The following DAB1 variants were observed in gnomAD, a reference collection of about 807,000 sequenced individuals.
DAB1 encodes the protein disabled homolog 1.
In DAB1, 15 loss-of-function variants were observed where a neutral mutation model predicts 64.6. The observed-to-expected ratio is 0.23, with a 90% CI of 0.16 to 0.36. DAB1 has a LOEUF of 0.36. DAB1 is among the 10% of genes least tolerant of loss of function. The probability of loss-of-function intolerance (pLI) is 1.00; values close to 1 mark genes in which losing one functional copy is unlikely to be tolerated. For synonymous variants in DAB1, 235 were observed against 251.9 expected (o/e 0.93, Z 0.64); for missense variants, 596 against 706.7 (o/e 0.84, Z 1.78).
intron 4 of DAB1, among the ~76,000 whole-genome samples, chr1:58,190,864 C>T (rs1657352476): frequency 6.6e-6 from 1 of 152,208 alleles, no homozygotes; most frequent in Admixed American, 6.5e-5. Context: ...AGGCGGAGAA[C>T]CGTGTTCTAG....
At chr1:57,592,649 C>T (rs983760800) in intron 7 of DAB1, among the ~76,000 whole-genome samples, 1 of 151,900 alleles carries the variant, frequency 6.6e-6, no homozygotes, top group African/African-American at 2.4e-5. Flanking sequence ...CTTGGGCTGC[C>T]AGAATAAAAT....
At chr1:58,256,023 T>C (rs12039506) in intron 4 of DAB1, among the ~76,000 whole-genome samples, 2,704 of 152,286 alleles carry the variant, frequency 0.018, 38 homozygotes, top group East Asian at 0.041. Context: ...CCATTGCATT[T>C]TCTGCAGCGC....
rs369964010 is a variant in DAB1, at chr1:57,987,938, G to T, written n.388-103776C>A. ...GAGTATACTTGGGATGCGATCGCAT[G>T]CCTGGAGCATCTGGTGGGCAGGATT... is the stretch of plus-strand genomic sequence containing the variant. On this transcript the variant is annotated intron_variant and non_coding_transcript_variant, in intron 5 of 20. Transcript: ENST00000485760. 2.6e-5 allele frequency among the ~76,000 whole-genome samples: 4 copies of T among 151,946 alleles called. No homozygotes were observed. In the East Asian group the frequency reaches 7.7e-4, roughly 29 times the overall value.
At chr1:58,536,476 T>C (rs1646518770) in intron 1 of DAB1, 1 of 816,750 alleles carries the variant, frequency 1.2e-6, no homozygotes, top group Non-Finnish European at 2.2e-6. Flanking sequence ...GAGTGTTATA[T>C]TAAGCAGTCT....
chr1:57,888,115 G>A (rs749643276), upstream of DAB1, among the ~76,000 whole-genome samples: 1 of 152,146 alleles, frequency 6.6e-6, no homozygotes, highest in Non-Finnish European at 1.5e-5. Context: ...CCCCGACCAC[G>A]ACATTGGATG....
At chr1:57,491,753 C>G (rs1347000387) in intron 7 of DAB1, among the ~76,000 whole-genome samples, 3 of 152,170 alleles carry the variant, frequency 2.0e-5, no homozygotes, top group Admixed American at 6.5e-5. Context: ...TCTATAGAAG[C>G]AGAGGAGAGG....
chr1:57,283,343 T>C (rs1672062642), intron 2 of DAB1, among the ~76,000 whole-genome samples: 1 of 152,196 alleles, frequency 6.6e-6, no homozygotes, highest in Non-Finnish European at 1.5e-5. Context: ...AACTACCCCA[T>C]ATTCCTCTAG....
At position 58,481,201 on chromosome 1, in the gene DAB1, AT is replaced by A. The variant is rs753317088; in HGVS notation, n.257+24858del. On this transcript the variant is annotated intron_variant and non_coding_transcript_variant, in intron 3 of 20. Coordinates refer to the DAB1 transcript ENST00000485760. ...TATAAAGAAATAATAAAATAAAAAAATACTATATATATACATCAATGTATTC... is the reference window on the plus strand; with the variant it reads ...TATAAAGAAATAATAAAATAAAAAAAACTATATATATACATCAATGTATTC... 215 of 723,140 alleles carry A rather than the reference AT, an allele frequency of 3.0e-4. 1 individual carries two copies. The highest frequency in any genetic ancestry group is 1.7e-4 in the Admixed American group (7 of 42,132). The allele number at this position is 723,140 out of a possible 1,614,324, so 44.8% of individuals were successfully genotyped here.
chr1:58,147,306 CA>C (rs1192982112), intron 5 of DAB1, among the ~76,000 whole-genome samples: 1,061 of 41,676 alleles, frequency 0.025, 10 homozygotes, highest in South Asian at 0.12. Flanking sequence ...GACTCCGTCT[CA>C]AAAAAAAAAA....
intron 7 of DAB1, among the ~76,000 whole-genome samples, 181 bp from the exon 8 acceptor site, chr1:57,069,606 A>C (rs550374119): frequency 6.6e-6 from 1 of 152,344 alleles, no homozygotes; most frequent in Admixed American, 6.5e-5. Context: ...CCTGCCTTTC[A>C]TAAGGAAAAC....
At chr1:57,362,903 A>C (rs1679672836) in intron 1 of DAB1, among the ~76,000 whole-genome samples, 1 of 152,214 alleles carries the variant, frequency 6.6e-6, no homozygotes, top group South Asian at 2.1e-4. Flanking sequence ...TCTTTGAATA[A>C]GTAATAAGCA....
intron 3 of DAB1, chr1:58,415,316 G>A (rs2100211231): frequency 4.8e-6 from 1 of 208,236 alleles, no homozygotes; most frequent in Non-Finnish European, 8.4e-6. Flanking sequence ...AAGCCACCCA[G>A]ACTATGATAT....
chr1:58,541,293 CAAAAAAAAAAAAAAAAAAAAAAAAAA>C (rs71043292), intron 1 of DAB1, among the ~76,000 whole-genome samples: 3 of 27,562 alleles, frequency 1.1e-4, no homozygotes, highest in African/African-American at 2.2e-4. Flanking sequence ...GACTCTGTCT[CAAAAAAAAAAAAAAAAAAAAAAAAAA>C]AAAAAAAAAA....
chr1:57,118,692 T>C (rs902426042), intron 4 of DAB1, among the ~76,000 whole-genome samples: 1 of 152,224 alleles, frequency 6.6e-6, no homozygotes, highest in African/African-American at 2.4e-5. Flanking sequence ...GTTTTTTTAT[T>C]TGTAGATGGA....
intron 1 of DAB1, among the ~76,000 whole-genome samples, chr1:57,843,193 T>A (rs530934005): frequency 2.0e-4 from 31 of 152,364 alleles, no homozygotes; most frequent in South Asian, 1.7e-3. Flanking sequence ...TCAGGGACCA[T>A]TCACATCTTA....
intron 5 of DAB1, among the ~76,000 whole-genome samples, chr1:57,957,095 G>A (rs772586150): frequency 6.6e-6 from 1 of 152,190 alleles, no homozygotes; most frequent in African/African-American, 2.4e-5. Context: ...GAAAGGAGGA[G>A]CATGTGATTT....
intron 5 of DAB1, among the ~76,000 whole-genome samples, chr1:57,974,046 C>T (rs868102911): frequency 8.5e-5 from 13 of 152,262 alleles, no homozygotes; most frequent in African/African-American, 3.1e-4. Context: ...ACCCCTGCCT[C>T]CTTGTCCTTG....
At position 57,757,607 on chromosome 1, in the gene DAB1, T is replaced by G. The variant is rs188446755; in HGVS notation, n.552-107942A>C. Among the ~76,000 whole-genome samples the G allele has an allele frequency of 2.1e-3, 323 of 152,250 alleles. 2 individuals are homozygous for G. The highest frequency in any genetic ancestry group is 6.0e-3 in the African/African-American group (250 of 41,530). Reference sequence around the variant, plus strand: ...TGCATGTCTGTCTCTGTGTCTAAATTTCCCCTTTTAATAAGACCATCAGTC... The same window carrying G: ...TGCATGTCTGTCTCTGTGTCTAAATGTCCCCTTTTAATAAGACCATCAGTC... On this transcript the variant is annotated intron_variant and non_coding_transcript_variant, in intron 6 of 20. Transcript: ENST00000485760.
intron 1 of DAB1, among the ~76,000 whole-genome samples, chr1:57,419,597 G>A (rs1684750038): frequency 6.6e-6 from 1 of 151,872 alleles, no homozygotes; most frequent in Admixed American, 6.6e-5. Flanking sequence ...TATCAATGAT[G>A]GAAAACTTTT....
Sources: allele counts gnomAD v4.1 joint callset (sites outside exome capture counted in the v4.1 genomes callset), GRCh38; gene constraint gnomAD v4.1.1; transcripts MANE v1.5; gene names NCBI Gene and HGNC (gene_info 2026-07-23, HGNC 2026-07-21).